The following ALG1L2 variants were observed in gnomAD, a reference collection of about 807,000 sequenced individuals.
ALG1L2 encodes the protein ALG1 chitobiosyldiphosphodolichol beta-mannosyltransferase like 2, also known as putative glycosyltransferase ALG1L2.
A neutral mutation model predicts 29.0 loss-of-function variants in ALG1L2; 32 were observed. The ratio of observed to expected loss-of-function variants is 1.10; its 90% CI spans 0.83 to 1.48. The LOEUF (loss-of-function observed/expected upper bound fraction) is 1.48. Among genes scored for constraint, ALG1L2 ranks in the 40% most tolerant of loss-of-function variants. ALG1L2 has a pLI of 0.00. For synonymous variants in ALG1L2, 110 were observed against 109.5 expected (o/e 1.00, Z -0.03); for missense variants, 318 against 274.1 (o/e 1.16, Z -1.13).
chr3:130,085,370 A>G (rs1577324793), intron 1 of ALG1L2, among the ~76,000 whole-genome samples: 1 of 122,752 alleles, frequency 8.1e-6, no homozygotes, highest in East Asian at 2.2e-4. Flanking sequence ...TGCTAGGATT[A>G]CAGGCATGAG....
intron 4 of ALG1L2, chr3:130,093,902 C>T (rs780318577): frequency 3.2e-5 from 6 of 189,688 alleles, no homozygotes; most frequent in Non-Finnish European, 5.5e-5. Flanking sequence ...CTCCTCTGGC[C>T]TCTAGGCTCC....
chr3:130,095,746 G>A (rs1471526965), intron 5 of ALG1L2, among the ~76,000 whole-genome samples: 4 of 152,106 alleles, frequency 2.6e-5, no homozygotes, highest in Non-Finnish European at 5.9e-5. Context: ...GGAGGTGGAG[G>A]TTGCAATGAG....
In ALG1L2 at chr3:130,092,195, C is replaced by T. The variant is rs755761214; in HGVS notation, c.226C>T (p.Leu76=). Reference sequence around the variant, plus strand: ...GACGCGTCTCCACGAGCGGCCAGCCCTGCTGGTCAGCAGCACAAGCTGGAC... The same window carrying T: ...GACGCGTCTCCACGAGCGGCCAGCCTTGCTGGTCAGCAGCACAAGCTGGAC... ...LVTRLHERPA[L]LVSSTSWTEF... The change falls in exon 3 of 8, where the codon CTG becomes TTG. Residue 76 remains leucine (L), a synonymous_variant. Coordinates refer to ENST00000425059, the MANE Select transcript of ALG1L2 (RefSeq NM_001136152.1). The T allele has an allele frequency of 2.5e-6, 4 of 1,611,780 alleles. No individual in the cohort carries two copies. In the East Asian group the frequency reaches 8.9e-5, roughly 36 times the overall value.
At chr3:130,092,924 G>A (rs1006800865) in intron 3 of ALG1L2, among the ~76,000 whole-genome samples, 177 bp from the exon 4 acceptor site, 12 of 151,142 alleles carry the variant, frequency 7.9e-5, no homozygotes, top group African/African-American at 2.4e-4. Flanking sequence ...CAGCTACTTG[G>A]GAGGCTGATG....
At chr3:130,086,592 G>A (rs1267659231) in intron 1 of ALG1L2, among the ~76,000 whole-genome samples, 1 of 150,068 alleles carries the variant, frequency 6.7e-6, no homozygotes, top group Non-Finnish European at 1.5e-5. Context: ...CAGGAGGATT[G>A]CTTGAGCCCA....
Position 130,096,087 on chromosome 3 carries a change from A to T in ALG1L2, c.463A>T (p.Ser155Cys). 1 of 1,547,024 alleles carries T rather than the reference A, an allele frequency of 6.5e-7. No homozygotes were observed. The highest frequency in any genetic ancestry group is 1.1e-5 in the South Asian group (1 of 89,478). ...GGATGTCTGTCTGGACACGTCCTCC[A>T]GTGGCCTGGACCTGCCCATGAAGGT... ...DLDVCLDTSS[S>C]GLDLPMKVVD... The change falls in exon 6 of 8, where the codon AGT becomes TGT. Residue 155 changes from serine (S) to cysteine (C), a missense_variant. Coordinates refer to ENST00000425059, the MANE Select transcript of ALG1L2 (RefSeq NM_001136152.1).
At chr3:130,089,404 C>T (rs2953784) in intron 1 of ALG1L2, 1 of 151,934 alleles carries the variant, frequency 6.6e-6, no homozygotes, top group Non-Finnish European at 1.5e-5. Flanking sequence ...CCACATGTGG[C>T]TACTGGGCAC....
chr3:130,092,206 C>T lies in ALG1L2; in HGVS notation c.237C>T (p.Ser79=), dbSNP rs778188529. Residue 79 remains serine (S), a synonymous_variant, in exon 3 of 8, where the codon AGC becomes AGT. Coordinates refer to ENST00000425059, the MANE Select transcript of ALG1L2 (RefSeq NM_001136152.1). The part of the protein sequence containing the change: ...RLHERPALLV[S]STSWTEFEQL... ...ACGAGCGGCCAGCCCTGCTGGTCAG[C>T]AGCACAAGCTGGACAGGTCTGCATG... The T allele has an allele frequency of 4.3e-6, 7 of 1,611,096 alleles. No homozygotes were observed. In the South Asian group the frequency reaches 7.7e-5, roughly 18 times the overall value.
chr3:130,094,165 C>A, intron 4 of ALG1L2: 2 of 551,552 alleles, frequency 3.6e-6, no homozygotes, highest in Admixed American at 3.1e-5. Flanking sequence ...TGTTTGCAGC[C>A]CGAGGCCAGC....
intron 5 of ALG1L2, among the ~76,000 whole-genome samples, chr3:130,095,408 G>C (rs6799884): frequency 0.49 from 44,015 of 90,632 alleles, 6,992 homozygotes; most frequent in Middle Eastern, 0.54. Flanking sequence ...GTGTGCTGTG[G>C]TTTATTATTA....
rs1179266132 is a variant in ALG1L2 at position 130,096,169 on chromosome 3, A to T, written c.539+6A>T. The T allele has an allele frequency of 1.2e-6, 2 of 1,611,474 alleles. No individual in the cohort carries two copies. The highest frequency in any genetic ancestry group is 2.7e-5 in the African/African-American group (2 of 74,818). The stretch of plus-strand genomic sequence containing the variant: ...TGTGCCGTGAACTTCAAGTGGTAGG[A>T]GCAGAACCCGAATTTTTTCTGGGGA... On this transcript the variant is annotated splice_donor_region_variant and intron_variant, in intron 6 of 7. Transcript: ENST00000425059.
intron 1 of ALG1L2, among the ~76,000 whole-genome samples, chr3:130,087,290 GCCAAATCCA>G (rs1404297329): frequency 6.7e-6 from 1 of 150,286 alleles, no homozygotes; most frequent in Non-Finnish European, 1.5e-5. Flanking sequence ...AGAAACATCA[GCCAAATCCA>G]AAGTAAGGGA....
rs6803922 is a variant in ALG1L2, at chr3:130,091,315, C to G, written c.75C>G (p.Asp25Glu). Residue 25 changes from aspartate to glutamate, a missense_variant, in exon 2 of 8, where the codon GAC becomes GAG. By Grantham distance (45) the Asp-to-Glu change is conservative. Coordinates refer to ENST00000425059, the MANE Select transcript of ALG1L2 (RefSeq NM_001136152.1). ...PASFFKEAPL[D>E]LQHRLFMKLG... ...CTTTCTTTAAAGAGGCACCTCTGGA[C>G]CTGCAGCACCGGCTCTTCATGAAGC... 629 of 1,598,364 alleles carry G rather than the reference C, an allele frequency of 3.9e-4. 7 individuals are homozygous for G. The South Asian group carries it at 6.0e-3, about 15-fold the overall frequency.
At chr3:130,084,265 C>T (rs965133471) in intron 1 of ALG1L2, among the ~76,000 whole-genome samples, 1 of 149,788 alleles carries the variant, frequency 6.7e-6, no homozygotes, top group African/African-American at 2.4e-5. Context: ...CAAGATCAGT[C>T]TGCACAACAT....
intron 1 of ALG1L2, among the ~76,000 whole-genome samples, chr3:130,090,143 G>A (rs1020538636): frequency 2.0e-5 from 3 of 152,282 alleles, no homozygotes; most frequent in South Asian, 2.1e-4. Context: ...ATTACCTGAG[G>A]TCAGCAGTTC....
intron 2 of ALG1L2, among the ~76,000 whole-genome samples, chr3:130,091,586 T>C (rs1354101665): frequency 6.6e-6 from 1 of 152,204 alleles, no homozygotes; most frequent in Non-Finnish European, 1.5e-5. Context: ...AATAGCAGAA[T>C]CGCGTTTTGC....
At chr3:130,090,375 A>AAAAG in intron 1 of ALG1L2, among the ~76,000 whole-genome samples, 3 of 152,308 alleles carry the variant, frequency 2.0e-5, no homozygotes, top group Non-Finnish European at 4.4e-5. Flanking sequence ...GAAAGAAATA[A>AAAAG]AAATAAATTG....
intron 4 of ALG1L2, 97 bp from the exon 5 acceptor site, chr3:130,094,306 G>A: frequency 1.2e-5 from 17 of 1,468,010 alleles, no homozygotes; most frequent in Non-Finnish European, 1.6e-5. Context: ...GGAGCTTCTG[G>A]GAAAAGGATC....
chr3:130,082,498 T>C (rs200759305), intron 1 of ALG1L2, among the ~76,000 whole-genome samples: 14,578 of 62,630 alleles, frequency 0.23, 147 homozygotes, highest in Middle Eastern at 0.4. Flanking sequence ...CCACCACGCC[T>C]GGCTAATTTT....
Sources: allele counts gnomAD v4.1 joint callset (sites outside exome capture counted in the v4.1 genomes callset), GRCh38; gene constraint gnomAD v4.1.1; transcripts MANE v1.5; gene names NCBI Gene and HGNC (gene_info 2026-07-23, HGNC 2026-07-21).